PDCD11: variants seen among roughly 807,000 people sequenced by gnomAD.
The protein encoded by PDCD11 is programmed cell death 11, also known as protein RRP5 homolog.
PDCD11 carries 97 observed loss-of-function variants against 198.9 expected under a neutral mutation model. The observed-to-expected ratio is 0.49, with a 90% confidence interval of 0.41 to 0.58. PDCD11 has a LOEUF of 0.58. Among genes scored for constraint, PDCD11 ranks in the 20% least tolerant of loss-of-function variants. The pLI is 0.00. For synonymous variants in PDCD11, 893 were observed against 918.0 expected, an observed-to-expected ratio of 0.97 and a Z score of 0.49; for missense variants, 2,102 against 2,312.7, an observed-to-expected ratio of 0.91 and a Z score of 1.87.
chr10:103,441,780 G>C, intron 30 of PDCD11, 46 bp from the exon 31 acceptor site: 1 of 1,582,522 alleles, frequency 6.3e-7, no homozygotes, highest in Non-Finnish European at 8.6e-7. Flanking sequence ...GGAACAGGGA[G>C]CAGCCTGAGC....
chr10:103,414,711 T>C (rs2031002356), intron 11 of PDCD11, among the ~76,000 whole-genome samples: 1 of 152,204 alleles, frequency 6.6e-6, no homozygotes. Flanking sequence ...CCTTTATATG[T>C]AGAGTTTATT....
At chr10:103,410,486 T>C (rs1278080762) in intron 8 of PDCD11, among the ~76,000 whole-genome samples, 1 of 151,954 alleles carries the variant, frequency 6.6e-6, no homozygotes, top group Non-Finnish European at 1.5e-5. Flanking sequence ...AAAAGTTGTA[T>C]AGTATAGATC....
At position 103,440,539 on chromosome 10, in the gene PDCD11, G is replaced by A. The variant is rs1353266276; in HGVS notation, c.4398G>A (p.Gln1466=). ...AACAGCCCCAGAAGCCACAGGCGCA[G>A]AAGCGGGGCGGGCGGGAGTGCCGGG... ...EKQQPQKPQA[Q]KRGGRECRES... Residue 1466 remains glutamine, a synonymous_variant, in exon 29 of 36, where the codon CAG becomes CAA. Transcript: ENST00000369797. The A allele has an allele frequency of 6.2e-7, 1 of 1,612,818 alleles. No individual in the cohort carries two copies. The highest frequency in any genetic ancestry group is 8.5e-7 in the Non-Finnish European group (1 of 1,179,998).
Position 103,417,882 on chromosome 10 carries a change from G to C in PDCD11, c.1861G>C (p.Glu621Gln), listed in dbSNP as rs1157665195. 1.9e-6 allele frequency: 3 copies of C among 1,614,198 alleles called. No homozygotes were observed. Among genetic ancestry groups the C allele is most frequent in the Non-Finnish European group, 2.5e-6 (3 of 1,180,024 alleles). The change falls in exon 14 of 36, where the codon GAG becomes CAG. Residue 621 changes from glutamate (E) to glutamine (Q), a missense_variant. By Grantham distance (29) the Glu-to-Gln change is conservative. Coordinates refer to ENST00000369797, the MANE Select transcript of PDCD11 (RefSeq NM_014976.2). ...KLSSDPEPKK[E>Q]PAGHSQKKGK... The stretch of plus-strand genomic sequence containing the variant: ...GTCGAGTGATCCAGAGCCAAAGAAA[G>C]AGCCTGCAGGACACAGTCAGAAGAA...
At position 103,425,531 on chromosome 10, in the gene PDCD11, G is replaced by C. The variant is rs1418325923; in HGVS notation, c.3305+6G>C. 6.3e-7 allele frequency: 1 copy of C among 1,598,484 alleles called. No homozygotes were observed. The highest frequency in any genetic ancestry group is 1.3e-5 in the African/African-American group (1 of 74,792). On this transcript the variant is annotated splice_donor_region_variant and intron_variant, in intron 20 of 35. Coordinates refer to ENST00000369797, the MANE Select transcript of PDCD11 (RefSeq NM_014976.2). ...CGAGACATGAAGACATTCAAGTATG[G>C]AGGCTCTGGGGGTGGGCTGGCTTCG...
chr10:103,417,966 T>A (rs1178852961), intron 14 of PDCD11, 34 bp downstream of exon 14: 29 of 1,611,406 alleles, frequency 1.8e-5, no homozygotes, highest in Non-Finnish European at 2.5e-5. Context: ...CTATTTTATG[T>A]TACAGTGGCA....
intron 20 of PDCD11, among the ~76,000 whole-genome samples, chr10:103,426,377 T>A (rs2031694574): frequency 6.6e-6 from 1 of 152,258 alleles, no homozygotes; most frequent in African/African-American, 2.4e-5. Flanking sequence ...AGTAGCTAAC[T>A]GTGGGGTCTT....
chr10:103,421,270 C>G (rs1318823164), intron 16 of PDCD11, 78 bp from the exon 17 acceptor site: 3 of 1,146,808 alleles, frequency 2.6e-6, no homozygotes, highest in African/African-American at 1.5e-5. Flanking sequence ...ACTCACGTAC[C>G]CCTTTCCAGG....
chr10:103,397,847 G>T (rs979730378), intron 1 of PDCD11, among the ~76,000 whole-genome samples: 16 of 152,192 alleles, frequency 1.1e-4, no homozygotes, highest in African/African-American at 3.9e-4. Flanking sequence ...GAAATTGCTG[G>T]TGTTTATTGA....
At position 103,432,679 on chromosome 10, in the gene PDCD11, G is replaced by A. The variant is rs373793890; in HGVS notation, c.3474+445G>A. 8.5e-5 allele frequency among the ~76,000 whole-genome samples: 13 copies of A among 152,294 alleles called. No individual in the cohort carries two copies. The East Asian group carries it at 1.9e-3, about 23-fold the overall frequency. ...ACTGGTTGAAACATGTAGGAGAGGCGGCTGGATTGGGTTTGACCTTGAAGA... is the reference window on the plus strand; with the variant it reads ...ACTGGTTGAAACATGTAGGAGAGGCAGCTGGATTGGGTTTGACCTTGAAGA... On this transcript the variant is annotated intron_variant, in intron 22 of 35. Coordinates refer to ENST00000369797, the MANE Select transcript of PDCD11 (RefSeq NM_014976.2).
At chr10:103,437,018 A>G (rs2032179571) in intron 25 of PDCD11, among the ~76,000 whole-genome samples, 1 of 152,178 alleles carries the variant, frequency 6.6e-6, no homozygotes, top group Non-Finnish European at 1.5e-5. Context: ...CTTGGGCATG[A>G]TCTCCTGGGG....
Position 103,444,629 on chromosome 10 carries a change from C to T in PDCD11, c.5391C>T (p.Val1797=), listed in dbSNP as rs139474252. ...TLSTYPKRTD[V]WSVYIDMTIK... ...GCACCTACCCAAAGCGCACAGATGT[C>T]TGGTCGGTCTATATCGACATGACCA... Residue 1797 remains valine, a synonymous_variant, in exon 35 of 36, where the codon GTC becomes GTT. Coordinates refer to ENST00000369797, the MANE Select transcript of PDCD11 (RefSeq NM_014976.2). The T allele has an allele frequency of 1.4e-5, 22 of 1,614,202 alleles. No homozygotes were observed. Among genetic ancestry groups the T allele is most frequent in the Non-Finnish European group, 1.9e-5 (22 of 1,180,042 alleles).
intron 30 of PDCD11, 91 bp from the exon 31 acceptor site, chr10:103,441,735 A>G (rs1248992026): frequency 3.3e-6 from 4 of 1,207,586 alleles, no homozygotes; most frequent in Non-Finnish European, 4.8e-6. Context: ...TGGGCTTGGT[A>G]GGAGTCCATG....
intron 3 of PDCD11, among the ~76,000 whole-genome samples, chr10:103,402,464 G>C (rs1479758461): frequency 5.3e-5 from 8 of 152,034 alleles, no homozygotes; most frequent in Non-Finnish European, 1.2e-4. Context: ...TCGAGACAGA[G>C]TTTCACTCTT....
Position 103,438,550 on chromosome 10 carries a change from G to T in PDCD11, c.3903-136G>T, listed in dbSNP as rs1251307377. The T allele has an allele frequency of 7.0e-6, 8 of 1,145,064 alleles. No homozygotes were observed. In the East Asian group the frequency reaches 2.0e-4, roughly 28 times the overall value. 70.9% of individuals were successfully genotyped at this position (1,145,064 alleles called of 1,614,324 possible). On this transcript the variant is annotated intron_variant, in intron 26 of 35. Transcript: ENST00000369797. ...AAGATGTTAGGAGAGAGTAGAGTTG[G>T]GCTCTAAAGGTTATATCCTGCTGAC... is the stretch of plus-strand genomic sequence containing the variant.
intron 2 of PDCD11, 37 bp downstream of exon 2, chr10:103,398,565 A>G (rs2093449216): frequency 7.6e-7 from 1 of 1,312,980 alleles, no homozygotes; most frequent in East Asian, 2.3e-5. Flanking sequence ...CTCACTGGAA[A>G]CTTTTACTGT....
At chr10:103,435,563 T>C (rs2032116915) in intron 25 of PDCD11, among the ~76,000 whole-genome samples, 1 of 152,096 alleles carries the variant, frequency 6.6e-6, no homozygotes, top group Non-Finnish European at 1.5e-5. Context: ...GTGCGTAGGC[T>C]GGAGTGCAGT....
At chr10:103,401,015 G>A (rs923008583) in intron 3 of PDCD11, among the ~76,000 whole-genome samples, 3 of 152,080 alleles carry the variant, frequency 2.0e-5, no homozygotes, top group African/African-American at 4.8e-5. Flanking sequence ...TCAACCTCCC[G>A]AAGTGTTGGG....
chr10:103,426,622 C>T (rs1413674844), intron 20 of PDCD11, among the ~76,000 whole-genome samples: 1 of 151,944 alleles, frequency 6.6e-6, no homozygotes, highest in Non-Finnish European at 1.5e-5. Flanking sequence ...TGGTGAAACC[C>T]CGTCTACTGA....
Sources: gnomAD v4.1 joint callset for allele counts (sites outside exome capture counted in the v4.1 genomes callset) on GRCh38, gnomAD v4.1.1 for gene constraint, MANE v1.5 for transcripts, NCBI Gene and HGNC (gene_info 2026-07-23, HGNC 2026-07-21) for gene names.